GSG1L: variants seen among roughly 807,000 people sequenced by gnomAD.
The protein encoded by GSG1L is GSG1 like.
In GSG1L, 24 loss-of-function variants were observed where a neutral mutation model predicts 42.1. The ratio of observed to expected loss-of-function variants is 0.57; its 90% CI spans 0.41 to 0.80. The LOEUF is 0.80. Ranked by LOEUF, GSG1L falls within the 30% of genes least tolerant of loss-of-function variation. The pLI is 0.00. For missense variants in GSG1L, 445 were observed against 472.2 expected (o/e 0.94, Z 0.53); for synonymous variants, 215 against 203.5 (o/e 1.06, Z -0.48).
chr16:27,806,595 T>C (rs1004097), intron 6 of GSG1L, among the ~76,000 whole-genome samples: 20,696 of 152,156 alleles, frequency 0.14, 1,866 homozygotes, highest in Non-Finnish European at 0.21. Flanking sequence ...GGAGCTGGGG[T>C]ATCTATACAC....
At chr16:28,028,808 T>A (rs188325735) in intron 1 of GSG1L, among the ~76,000 whole-genome samples, 1 of 152,266 alleles carries the variant, frequency 6.6e-6, no homozygotes, top group East Asian at 1.9e-4. Flanking sequence ...TCCTTAAGCC[T>A]CCAGGCTTAG....
At chr16:27,849,204 A>ACCC (rs1567485072) in intron 3 of GSG1L, among the ~76,000 whole-genome samples, 6 of 93,362 alleles carry the variant, frequency 6.4e-5, no homozygotes, top group African/African-American at 1.6e-4. Context: ...TCCCAAAAAG[A>ACCC]AAAAAAAAAA....
At chr16:28,020,758 A>G (rs970341485) in intron 1 of GSG1L, among the ~76,000 whole-genome samples, 2 of 152,234 alleles carry the variant, frequency 1.3e-5, no homozygotes, top group African/African-American at 4.8e-5. Context: ...ATCTGGGGGA[A>G]GCCAGCTGCC....
At chr16:27,824,986 C>T (rs2083193242) in intron 5 of GSG1L, among the ~76,000 whole-genome samples, 1 of 152,268 alleles carries the variant, frequency 6.6e-6, no homozygotes, top group Non-Finnish European at 1.5e-5. Flanking sequence ...CATCCACAGC[C>T]TGGGACGAGA....
intron 6 of GSG1L, among the ~76,000 whole-genome samples, chr16:27,805,954 A>G (rs1895363): frequency 0.45 from 68,504 of 151,202 alleles, 16,013 homozygotes; most frequent in African/African-American, 0.6. Context: ...TCTACCCAGG[A>G]TTTCCCGCCT....
Position 27,980,777 on chromosome 16 carries a change from G to A in GSG1L, c.350-17574C>T, listed in dbSNP as rs572104180. ...CATGCCTGTAATTCCAGCTACTCTG[G>A]AGGCTGAGGCAGAAGAACCGCTTGA... On this transcript the variant is annotated intron_variant, in intron 1 of 6. Transcript: ENST00000447459. 2.5e-4 allele frequency among the ~76,000 whole-genome samples: 38 copies of A among 152,198 alleles called. 2 individuals carry two copies. The South Asian group carries it at 7.5e-3, about 30-fold the overall frequency.
At chr16:27,887,993 A>C in intron 2 of GSG1L, 1 of 610,688 alleles carries the variant, frequency 1.6e-6, no homozygotes, top group Non-Finnish European at 2.1e-6. Flanking sequence ...GGAAATTCAG[A>C]GAGCGCTGAG....
intron 1 of GSG1L, among the ~76,000 whole-genome samples, chr16:28,050,087 T>G (rs539999555): frequency 1.6e-4 from 24 of 151,852 alleles, no homozygotes; most frequent in South Asian, 1.5e-3. Flanking sequence ...TTAATAGATG[T>G]GATGAATGAA....
At chr16:27,792,631 G>C (rs553582857) in intron 6 of GSG1L, among the ~76,000 whole-genome samples, 1 of 152,132 alleles carries the variant, frequency 6.6e-6, no homozygotes, top group South Asian at 2.1e-4. Flanking sequence ...TGGCACTCAG[G>C]GATCTCCCTC....
At chr16:27,843,232 C>T (rs925248770) in intron 4 of GSG1L, among the ~76,000 whole-genome samples, 2 of 152,158 alleles carry the variant, frequency 1.3e-5, no homozygotes, top group Non-Finnish European at 2.9e-5. Flanking sequence ...TCTTTCCAGC[C>T]TGAAGAGACT....
chr16:27,972,535 T>G (rs76848328), intron 1 of GSG1L, among the ~76,000 whole-genome samples: 9 of 152,236 alleles, frequency 5.9e-5, no homozygotes, highest in Non-Finnish European at 1.2e-4. Context: ...GGATTTATTT[T>G]GGGCATTAAA....
intron 1 of GSG1L, among the ~76,000 whole-genome samples, chr16:27,981,221 C>T (rs1173481327): frequency 2.0e-5 from 3 of 152,144 alleles, no homozygotes. Flanking sequence ...ACCCTGGTTC[C>T]GAGACCCAGA....
At chr16:27,915,145 C>T (rs1413853924) in intron 2 of GSG1L, among the ~76,000 whole-genome samples, 3 of 150,680 alleles carry the variant, frequency 2.0e-5, no homozygotes, top group Middle Eastern at 3.4e-3. Context: ...ATGGATGGGG[C>T]AACTCTGAGA....
At chr16:27,840,556 G>A (rs950256235) in intron 4 of GSG1L, among the ~76,000 whole-genome samples, 3 of 152,196 alleles carry the variant, frequency 2.0e-5, no homozygotes, top group Admixed American at 2.0e-4. Context: ...AGCAAACTCT[G>A]TGCTGAGTGC....
intron 1 of GSG1L, among the ~76,000 whole-genome samples, chr16:27,977,308 C>T (rs1197133855): frequency 2.0e-5 from 3 of 152,138 alleles, no homozygotes; most frequent in Non-Finnish European, 2.9e-5. Context: ...AGGACAGGCG[C>T]GGTAGCTCAT....
chr16:27,807,378 G>A, intron 6 of GSG1L, 109 bp downstream of exon 6: 1 of 809,030 alleles, frequency 1.2e-6, no homozygotes, highest in Non-Finnish European at 2.0e-6. Flanking sequence ...GTGGGAGAAT[G>A]CAGGGTGCAG....
intron 6 of GSG1L, among the ~76,000 whole-genome samples, chr16:27,794,137 T>C (rs899656588): frequency 6.6e-6 from 1 of 152,086 alleles, no homozygotes; most frequent in Non-Finnish European, 1.5e-5. Context: ...GCCTCAGTCT[T>C]CTGAGTAGCT....
At chr16:27,960,336 G>T (rs2085054421) in intron 2 of GSG1L, among the ~76,000 whole-genome samples, 2 of 152,144 alleles carry the variant, frequency 1.3e-5, no homozygotes, top group African/African-American at 4.8e-5. Flanking sequence ...CTGTAAAATG[G>T]GGATTACAGG....
chr16:27,960,017 G>A (rs1168336300), intron 2 of GSG1L, among the ~76,000 whole-genome samples: 2 of 144,964 alleles, frequency 1.4e-5, no homozygotes, highest in African/African-American at 4.9e-5. Flanking sequence ...ATTTTGCCAG[G>A]AGGGAGAGGG....
Sources: gnomAD v4.1 joint callset for allele counts (sites outside exome capture counted in the v4.1 genomes callset) on GRCh38, gnomAD v4.1.1 for gene constraint, MANE v1.5 for transcripts, NCBI Gene and HGNC (gene_info 2026-07-23, HGNC 2026-07-21) for gene names.